HPSE2: variants seen among roughly 807,000 people sequenced by gnomAD.
HPSE2 encodes heparanase 2 (inactive).
In HPSE2, 38 loss-of-function variants were observed where a neutral mutation model predicts 60.5. The observed-to-expected ratio is 0.63, with a 90% CI of 0.48 to 0.82. The LOEUF (loss-of-function observed/expected upper bound fraction) is 0.82, where lower values mean the gene tolerates loss of function less well. Among genes scored for constraint, HPSE2 ranks in the 40% least tolerant of loss-of-function variants. The probability of loss-of-function intolerance (pLI) is 0.00; values close to 1 mark genes in which losing one functional copy is unlikely to be tolerated. For missense variants in HPSE2, 713 were observed against 740.4 expected, an observed-to-expected ratio of 0.96 and a Z score of 0.43; for synonymous variants, 295 against 293.2, an observed-to-expected ratio of 1.01 and a Z score of -0.06.
chr10:98,683,583 T>C (rs1381917042), intron 6 of HPSE2, among the ~76,000 whole-genome samples: 13 of 151,848 alleles, frequency 8.6e-5, no homozygotes, highest in African/African-American at 2.7e-4. Flanking sequence ...TAGAATATGA[T>C]AGCAACATGT....
At chr10:98,657,127 A>ATTTAC (rs1489512978) in intron 6 of HPSE2, among the ~76,000 whole-genome samples, 2 of 148,834 alleles carry the variant, frequency 1.3e-5, no homozygotes, top group Non-Finnish European at 3.0e-5. Flanking sequence ...CCTATTTTCC[A>ATTTAC]TTTACTCTTC....
chr10:98,900,274 GATGA>G (rs1953628041), intron 3 of HPSE2, among the ~76,000 whole-genome samples: 1 of 152,066 alleles, frequency 6.6e-6, no homozygotes, highest in Admixed American at 6.6e-5. Context: ...CTACAACATG[GATGA>G]ATATTAATAT....
intron 3 of HPSE2, among the ~76,000 whole-genome samples, chr10:99,117,524 CAA>C (rs1189441963): frequency 3.6e-5 from 5 of 137,312 alleles, no homozygotes; most frequent in Non-Finnish European, 7.7e-5. Context: ...TCAGAAACAA[CAA>C]AGAGGGTATT....
At chr10:98,818,234 T>C (rs1367565046) in intron 3 of HPSE2, among the ~76,000 whole-genome samples, 3 of 152,168 alleles carry the variant, frequency 2.0e-5, no homozygotes, top group Non-Finnish European at 4.4e-5. Context: ...AATCCTCTAA[T>C]GCAGCAGTCC....
chr10:98,490,769 G>A (rs1175254716), intron 9 of HPSE2, among the ~76,000 whole-genome samples: 2 of 152,110 alleles, frequency 1.3e-5, no homozygotes, highest in African/African-American at 4.8e-5. Flanking sequence ...TGCAACCACG[G>A]TGCTAATTCT....
intron 3 of HPSE2, among the ~76,000 whole-genome samples, chr10:99,079,778 G>A (rs1843070378): frequency 6.6e-6 from 1 of 151,998 alleles, no homozygotes. Flanking sequence ...GTGCTGAGTT[G>A]GGGGCATGGG....
chr10:98,642,605 T>A (rs757372029), intron 6 of HPSE2, among the ~76,000 whole-genome samples: 114 of 152,270 alleles, frequency 7.5e-4, no homozygotes, highest in Middle Eastern at 3.4e-3. Context: ...TTTGATTTGG[T>A]TTTTCTTAGC....
chr10:99,172,067 A>G lies in HPSE2; in HGVS notation c.449-27668T>C, dbSNP rs1847332047. Among the ~76,000 whole-genome samples, 3 of 152,306 alleles carry G rather than the reference A, an allele frequency of 2.0e-5. No homozygotes were observed. In the South Asian group the frequency reaches 6.2e-4, roughly 32 times the overall value. On this transcript the variant is annotated intron_variant, in intron 2 of 11. Coordinates refer to ENST00000370552, the MANE Select transcript of HPSE2 (RefSeq NM_021828.5). ...TTTATTTTAGATTCAGGGAATGTAC[A>G]TGTGCAGGTTTGTTACATGGATATA...
intron 2 of HPSE2, among the ~76,000 whole-genome samples, chr10:99,209,731 C>A (rs1237731572): frequency 7.2e-5 from 11 of 152,112 alleles, no homozygotes; most frequent in Admixed American, 7.2e-4. Flanking sequence ...GCTCTGTCAC[C>A]CAGGCTGGAG....
chr10:99,200,588 TATG>T (rs1217442343), intron 2 of HPSE2, among the ~76,000 whole-genome samples: 17 of 152,134 alleles, frequency 1.1e-4, no homozygotes, highest in African/African-American at 3.9e-4. Context: ...AAGATGGTTA[TATG>T]ATAATTAAAT....
chr10:98,924,294 C>G (rs192777568), intron 3 of HPSE2, among the ~76,000 whole-genome samples: 1 of 152,206 alleles, frequency 6.6e-6, no homozygotes, highest in African/African-American at 2.4e-5. Context: ...GTGGCCACCA[C>G]CACTGGGACT....
In HPSE2 at chr10:98,749,930, CTA is replaced by C. The variant is rs771032742; in HGVS notation, c.611-5876_611-5875del. Reference sequence around the variant, plus strand: ...ATATTTTATATATATATATTAAACACTATATATATATATATATACACACACAC... The same window carrying C: ...ATATTTTATATATATATATTAAACACTATATATATATATATACACACACAC... On this transcript the variant is annotated intron_variant, in intron 3 of 11. Transcript: ENST00000370552. 7.0e-4 allele frequency among the ~76,000 whole-genome samples: 68 copies of C among 96,980 alleles called. 2 individuals carry two copies. Among genetic ancestry groups the C allele is most frequent in the African/African-American group, 2.0e-3 (59 of 29,112 alleles). 63.6% of individuals were successfully genotyped at this position (96,980 alleles called of 152,430 possible).
In HPSE2 at chr10:98,744,331, C is replaced by T. The variant is rs11189795; in HGVS notation, c.611-275G>A. 0.14 allele frequency among the ~76,000 whole-genome samples: 21,602 copies of T among 151,928 alleles called. 1,913 individuals carry two copies. The highest frequency in any genetic ancestry group is 0.23 in the Admixed American group (3,458 of 15,260). Reference sequence around the variant, plus strand: ...TCACCTAAGGTCGGGAGTTCGAGACCAGCCTGACCAACCTGGAGAAACCCC... The same window carrying T: ...TCACCTAAGGTCGGGAGTTCGAGACTAGCCTGACCAACCTGGAGAAACCCC... On this transcript the variant is annotated intron_variant, in intron 3 of 11. Coordinates refer to ENST00000370552, the MANE Select transcript of HPSE2 (RefSeq NM_021828.5).
At chr10:98,837,683 C>G (rs1311030556) in intron 3 of HPSE2, among the ~76,000 whole-genome samples, 1 of 150,968 alleles carries the variant, frequency 6.6e-6, no homozygotes, top group Admixed American at 6.6e-5. Context: ...GACCATTCTG[C>G]CTAACACGGT....
intron 2 of HPSE2, among the ~76,000 whole-genome samples, chr10:99,177,602 G>A (rs1225126320): frequency 6.6e-6 from 1 of 152,052 alleles, no homozygotes; most frequent in African/African-American, 2.4e-5. Flanking sequence ...CCCAATACAG[G>A]AGCACCCAGA....
chr10:98,942,023 C>T (rs1461267362), intron 3 of HPSE2, among the ~76,000 whole-genome samples: 1 of 143,042 alleles, frequency 7.0e-6, no homozygotes, highest in Non-Finnish European at 1.5e-5. Flanking sequence ...AACTGGCTAG[C>T]CATAGGTAGA....
intron 3 of HPSE2, among the ~76,000 whole-genome samples, chr10:98,973,728 A>G (rs1489875731): frequency 1.3e-5 from 2 of 152,192 alleles, no homozygotes; most frequent in Admixed American, 1.3e-4. Flanking sequence ...CATTTTTGCC[A>G]AGGAAAAAAA....
At chr10:98,639,106 T>C (rs752434589) in intron 7 of HPSE2, among the ~76,000 whole-genome samples, 2 of 152,128 alleles carry the variant, frequency 1.3e-5, no homozygotes, top group Non-Finnish European at 2.9e-5. Context: ...TGTGATGCCA[T>C]GTGACTTCTG....
At chr10:98,561,020 A>G (rs956252450) in intron 9 of HPSE2, among the ~76,000 whole-genome samples, 6 of 152,204 alleles carry the variant, frequency 3.9e-5, no homozygotes, top group African/African-American at 1.2e-4. Flanking sequence ...TACTTATTAA[A>G]ATTTAACAGC....
Sources: gnomAD v4.1 joint callset for allele counts (sites outside exome capture counted in the v4.1 genomes callset) on GRCh38, gnomAD v4.1.1 for gene constraint, MANE v1.5 for transcripts, NCBI Gene and HGNC (gene_info 2026-07-23, HGNC 2026-07-21) for gene names.